The following MIS18A variants were observed in gnomAD, a reference collection of about 807,000 sequenced individuals.
MIS18A encodes the protein MIS18 kinetochore protein A.
In MIS18A, 14 loss-of-function variants were observed where a neutral mutation model predicts 25.0. The observed-to-expected ratio is 0.56, with a 90% confidence interval of 0.37 to 0.88. MIS18A has a LOEUF of 0.88. Among genes scored for constraint, MIS18A ranks in the 40% least tolerant of loss-of-function variants. The probability of loss-of-function intolerance (pLI) is 0.00; values close to 1 mark genes in which losing one functional copy is unlikely to be tolerated. For synonymous variants in MIS18A, 134 were observed against 118.6 expected, an observed-to-expected ratio of 1.13 and a Z score of -0.84; for missense variants, 292 against 290.8, an observed-to-expected ratio of 1.00 and a Z score of -0.03.
At chr21:32,205,737 G>A in the MIS18A span, among the ~76,000 whole-genome samples, 1 of 152,114 alleles carries the variant, frequency 6.6e-6, no homozygotes, top group Non-Finnish European at 1.5e-5. Flanking sequence ...CCCATTCTGG[G>A]CCGGTTGGCT....
chr21:32,167,254 G>A, the MIS18A span, among the ~76,000 whole-genome samples: 1 of 152,056 alleles, frequency 6.6e-6, no homozygotes, highest in Non-Finnish European at 1.5e-5. Context: ...ACAACATCCA[G>A]CCTTCAATTG....
chr21:32,181,181 C>A, the MIS18A span, among the ~76,000 whole-genome samples: 2 of 152,254 alleles, frequency 1.3e-5, no homozygotes, highest in South Asian at 4.1e-4. Context: ...ACTGCCTGAG[C>A]TGGAACATCA....
the MIS18A span, among the ~76,000 whole-genome samples, chr21:32,243,743 C>A: frequency 6.6e-6 from 1 of 152,030 alleles, no homozygotes; most frequent in Non-Finnish European, 1.5e-5. Context: ...CAAGGCCAGG[C>A]GCGGTGGCTC....
chr21:32,187,452 A>T, the MIS18A span, among the ~76,000 whole-genome samples: 1 of 152,154 alleles, frequency 6.6e-6, no homozygotes, highest in African/African-American at 2.4e-5. Flanking sequence ...GCATGAAACC[A>T]GTTAGTCATC....
At chr21:32,253,464 T>C in the MIS18A span, among the ~76,000 whole-genome samples, 1 of 149,880 alleles carries the variant, frequency 6.7e-6, no homozygotes, top group African/African-American at 2.5e-5. Flanking sequence ...ATATTTTTGT[T>C]CTGACTCCAC....
At chr21:32,266,094 C>T (rs11700655), downstream of MIS18A, among the ~76,000 whole-genome samples, 9,223 of 146,040 alleles carry the variant, frequency 0.063, 369 homozygotes, top group Middle Eastern at 0.16. Flanking sequence ...ATACACCAAT[C>T]GGCACTCTGT....
the MIS18A span, among the ~76,000 whole-genome samples, chr21:32,222,626 G>A: frequency 1.3e-5 from 2 of 152,100 alleles, no homozygotes; most frequent in African/African-American, 4.8e-5. Flanking sequence ...TTAGAAATCA[G>A]GATTAAGAAA....
chr21:32,221,829 T>C, the MIS18A span, among the ~76,000 whole-genome samples: 2 of 150,432 alleles, frequency 1.3e-5, no homozygotes, highest in East Asian at 1.9e-4. Flanking sequence ...GAGGTGGAGG[T>C]TGCAGTGAGC....
At chr21:32,174,631 A>G in the MIS18A span, among the ~76,000 whole-genome samples, 1 of 152,182 alleles carries the variant, frequency 6.6e-6, no homozygotes, top group African/African-American at 2.4e-5. Flanking sequence ...ACAAAACAAA[A>G]TTGAAAGAGC....
the MIS18A span, among the ~76,000 whole-genome samples, chr21:32,167,007 TA>T: frequency 2.0e-5 from 3 of 152,186 alleles, no homozygotes; most frequent in African/African-American, 7.2e-5. Context: ...ATATAATGCT[TA>T]GCATTTATTA....
rs1569013369 is a variant in MIS18A, at chr21:32,269,076, CT to C, written c.662del (p.Glu221GlyfsTer16). ...VLKALQMKLW[E>X]AESKLSFATC... ...TGGCAAAGGACAATTTGGATTCGGC[CT>C]CCCACAGCTTCATTTGTAATGCTTT... On this transcript the variant is annotated frameshift_variant, in exon 5 of 5. Coordinates refer to ENST00000290130, the MANE Select transcript of MIS18A (RefSeq NM_018944.3). LOFTEE classifies it low-confidence loss of function (END_TRUNC). 1.7e-5 allele frequency: 27 copies of C among 1,605,314 alleles called. No homozygotes were observed. Among genetic ancestry groups the C allele is most frequent in the Non-Finnish European group, 2.3e-5 (27 of 1,174,758 alleles).
In MIS18A at chr21:32,269,028, G is replaced by C. The variant is rs1388174645; in HGVS notation, c.*9C>G. The C allele has an allele frequency of 6.3e-7, 1 of 1,587,840 alleles. No individual in the cohort carries two copies. Among genetic ancestry groups the C allele is most frequent in the Non-Finnish European group, 8.6e-7 (1 of 1,161,764 alleles). ...GGGCGGGGGCAGAATGGAGGACACA[G>C]ACTAGAGTTCAGCTTTTACAAGTGG... is the stretch of plus-strand genomic sequence containing the variant. On this transcript the variant is annotated 3_prime_UTR_variant, in exon 5 of 5. Transcript: ENST00000290130.
Position 32,278,987 on chromosome 21 carries a change from T to C in MIS18A, c.28A>G (p.Ser10Gly). ...TCACAGCCGCCAGCGCATCCTCTGC[T>C]ACACCTCAGTGACCGAACGCCTGCC... is the stretch of plus-strand genomic sequence containing the variant. MAGVRSLRC[S>G]RGCAGGCECG... The change falls in exon 1 of 5, where the codon AGC (serine) becomes GGC (glycine). Residue 10 changes from serine (S) to glycine (G), a missense_variant. Coordinates refer to ENST00000290130, the MANE Select transcript of MIS18A (RefSeq NM_018944.3). The C allele has an allele frequency of 6.2e-7, 1 of 1,608,502 alleles. No homozygotes were observed. Among genetic ancestry groups the C allele is most frequent in the Non-Finnish European group, 8.5e-7 (1 of 1,178,902 alleles).
chr21:32,177,140 T>C, the MIS18A span, among the ~76,000 whole-genome samples: 1 of 152,196 alleles, frequency 6.6e-6, no homozygotes, highest in African/African-American at 2.4e-5. Flanking sequence ...AGATAGACGA[T>C]GCCTGTTTAA....
chr21:32,162,377 T>A, the MIS18A span, among the ~76,000 whole-genome samples: 1 of 152,320 alleles, frequency 6.6e-6, no homozygotes. Context: ...AGGATCTTTG[T>A]AAGTGCTCTT....
the MIS18A span, among the ~76,000 whole-genome samples, chr21:32,189,638 C>A: frequency 6.6e-6 from 1 of 152,186 alleles, no homozygotes; most frequent in African/African-American, 2.4e-5. Flanking sequence ...TTTCTCCCAT[C>A]CCTTTACGTT....
the MIS18A span, chr21:32,197,739 G>C: frequency 2.6e-5 from 4 of 152,226 alleles, no homozygotes; most frequent in African/African-American, 9.6e-5. Flanking sequence ...AGACCCATTA[G>C]AGCTTTAAAT....
At chr21:32,216,696 A>G in the MIS18A span, among the ~76,000 whole-genome samples, 2 of 152,254 alleles carry the variant, frequency 1.3e-5, no homozygotes, top group Non-Finnish European at 2.9e-5. Context: ...AGACCTGAGA[A>G]GGGCTGGCTG....
the MIS18A span, among the ~76,000 whole-genome samples, chr21:32,249,182 G>C: frequency 6.6e-6 from 1 of 152,132 alleles, no homozygotes; most frequent in African/African-American, 2.4e-5. Context: ...GCTCGGGAGG[G>C]GGCCCTGGCC....
Sources: gnomAD v4.1 joint callset for allele counts (sites outside exome capture counted in the v4.1 genomes callset) on GRCh38, gnomAD v4.1.1 for gene constraint, MANE v1.5 for transcripts, NCBI Gene and HGNC (gene_info 2026-07-23, HGNC 2026-07-21) for gene names.